Variants in FER observed in about 807,000 individuals in gnomAD.
FER encodes FER tyrosine kinase, also known as tyrosine-protein kinase Fer.
A neutral mutation model predicts 111.0 loss-of-function variants in FER; 63 were observed. That is an observed-to-expected ratio of 0.57 (90% confidence interval 0.46 to 0.70). FER has a LOEUF of 0.70. Ranked by LOEUF, FER falls within the 30% of genes least tolerant of loss-of-function variation. The pLI is 0.00. For synonymous variants in FER, 327 were observed against 313.9 expected (o/e 1.04, Z -0.44); for missense variants, 914 against 954.0 (o/e 0.96, Z 0.55).
At chr5:108,833,706 C>T (rs1268551611) in intron 4 of FER, among the ~76,000 whole-genome samples, 1 of 152,056 alleles carries the variant, frequency 6.6e-6, no homozygotes, top group Non-Finnish European at 1.5e-5. Flanking sequence ...AACCCCGTCT[C>T]TACTAAAAAT....
At chr5:108,826,048 A>AT (rs1759434003) in intron 3 of FER, among the ~76,000 whole-genome samples, 2 of 152,160 alleles carry the variant, frequency 1.3e-5, no homozygotes, top group African/African-American at 4.8e-5. Flanking sequence ...ACCATTGACT[A>AT]TGTTAGCTGT....
At position 108,990,063 on chromosome 5, in the gene FER, T is replaced by C. The variant is rs1762995076; in HGVS notation, c.1656+30716T>C. Among the ~76,000 whole-genome samples the C allele has an allele frequency of 2.0e-5, 3 of 152,034 alleles. No homozygotes were observed. The South Asian group carries it at 6.2e-4, about 31-fold the overall frequency. ...AATTGATTAGGTGATTTGGGACATG[T>C]GACACATACAATCTATTTAATTTTT... On this transcript the variant is annotated intron_variant, in intron 13 of 19. Transcript: ENST00000281092.
chr5:109,092,523 A>G (rs1184283332), intron 16 of FER, among the ~76,000 whole-genome samples: 1 of 152,148 alleles, frequency 6.6e-6, no homozygotes, highest in Non-Finnish European at 1.5e-5. Flanking sequence ...CTGTATAACT[A>G]AGTATCAGGA....
chr5:109,068,934 A>T (rs1010035367), intron 16 of FER, among the ~76,000 whole-genome samples: 1 of 152,246 alleles, frequency 6.6e-6, no homozygotes, highest in Non-Finnish European at 1.5e-5. Context: ...CAACCTTTTG[A>T]AAACTCAGTA....
rs541551668 is a variant in FER, at chr5:109,194,617, A to G, written c.*7042A>G. On this transcript the variant is annotated 3_prime_UTR_variant, in exon 20 of 20. Transcript: ENST00000281092. ...GTTAGAACACCCTTGCAAAAACTGT[A>G]ACCACTTAAGCAATTCATCTGATCC... is the stretch of plus-strand genomic sequence containing the variant. 9.2e-5 allele frequency: 14 copies of G among 152,326 alleles called. No homozygotes were observed. The highest frequency in any genetic ancestry group is 3.4e-4 in the African/African-American group (14 of 41,570). The allele number at this position is 152,326 out of a possible 1,614,324, so 9.4% of individuals were successfully genotyped here. A position where few individuals can be genotyped will look rare whatever the true frequency, so the allele number is the denominator to read the frequency against.
chr5:108,828,619 C>A lies in FER; in HGVS notation c.208-4151C>A, dbSNP rs185450290. On this transcript the variant is annotated intron_variant, in intron 3 of 19. Transcript: ENST00000281092. ...GTTATTTGCCTATGATTAAACTTTT[C>A]TAAAATTAAAATTCAGGTATTTTTA... 4.7e-4 allele frequency among the ~76,000 whole-genome samples: 72 copies of A among 152,156 alleles called. 1 individual carries two copies. The East Asian group carries it at 0.014, about 29-fold the overall frequency.
chr5:109,047,863 T>C (rs1388478151), intron 16 of FER, among the ~76,000 whole-genome samples: 1 of 152,220 alleles, frequency 6.6e-6, no homozygotes, highest in Non-Finnish European at 1.5e-5. Context: ...GGTATTTATT[T>C]CTGGTGACTT....
At chr5:108,793,520 G>C (rs556309621) in intron 2 of FER, among the ~76,000 whole-genome samples, 12 of 83,110 alleles carry the variant, frequency 1.4e-4, no homozygotes, top group Admixed American at 4.6e-4. Flanking sequence ...TTGGCGGGGC[G>C]GGGGGGGTGG....
chr5:109,029,286 G>T, intron 13 of FER, among the ~76,000 whole-genome samples: 1 of 129,850 alleles, frequency 7.7e-6, no homozygotes. Context: ...TAGGGTACAT[G>T]TGCACAATGT....
chr5:108,800,744 A>G (rs893456711), intron 3 of FER, among the ~76,000 whole-genome samples: 2 of 152,320 alleles, frequency 1.3e-5, no homozygotes, highest in African/African-American at 2.4e-5. Flanking sequence ...TTCGTATTAT[A>G]TCTTAAAAAA....
chr5:109,045,103 T>C (rs1023479893), intron 15 of FER, among the ~76,000 whole-genome samples: 2 of 152,070 alleles, frequency 1.3e-5, no homozygotes, highest in South Asian at 4.1e-4. Context: ...ATTAATGTAT[T>C]ATATACATAT....
chr5:108,945,004 A>G (rs1312378482), intron 10 of FER, among the ~76,000 whole-genome samples: 2 of 152,266 alleles, frequency 1.3e-5, no homozygotes, highest in African/African-American at 2.4e-5. Context: ...AGTATTACGC[A>G]CTTAGAAAAT....
At chr5:108,783,303 G>A (rs1375728853) in intron 2 of FER, among the ~76,000 whole-genome samples, 1 of 151,940 alleles carries the variant, frequency 6.6e-6, no homozygotes, top group Non-Finnish European at 1.5e-5. Flanking sequence ...TTTTCATCTG[G>A]TTATTTTTAT....
chr5:109,085,759 C>G (rs1210895283), intron 16 of FER, among the ~76,000 whole-genome samples: 1 of 151,610 alleles, frequency 6.6e-6, no homozygotes, highest in Non-Finnish European at 1.5e-5. Context: ...TTTTAAAAAT[C>G]ATTAGTAGAT....
chr5:109,119,882 G>T (rs1405382034), intron 17 of FER, among the ~76,000 whole-genome samples: 1 of 151,946 alleles, frequency 6.6e-6, no homozygotes, highest in African/African-American at 2.4e-5. Flanking sequence ...GTGATGTTGA[G>T]CACCTTTTCA....
intron 13 of FER, among the ~76,000 whole-genome samples, chr5:109,031,022 C>T (rs1769524163): frequency 6.6e-6 from 1 of 151,938 alleles, no homozygotes; most frequent in East Asian, 1.9e-4. Context: ...CTTGGTGGGG[C>T]AAAGCAGTCT....
chr5:108,968,370 G>A (rs139270569), intron 13 of FER, among the ~76,000 whole-genome samples: 2,219 of 152,204 alleles, frequency 0.015, 41 homozygotes, highest in South Asian at 0.023. Flanking sequence ...CTGGGCCACA[G>A]AGAGAGGAGA....
Position 108,771,229 on chromosome 5 carries a change from C to T in FER, c.-60+2991C>T, listed in dbSNP as rs538494239. On this transcript the variant is annotated intron_variant, in intron 2 of 19. Coordinates refer to ENST00000281092, the MANE Select transcript of FER (RefSeq NM_005246.4). The stretch of plus-strand genomic sequence containing the variant: ...GATTACAGACTTGAGCCACCATGCC[C>T]GGCCCCTCTGAAGAATTTTTAAGAT... Among the ~76,000 whole-genome samples the T allele has an allele frequency of 1.2e-3, 190 of 152,242 alleles. 1 individual carries two copies. The highest frequency in any genetic ancestry group is 2.0e-3 in the Non-Finnish European group (138 of 68,008).
chr5:109,040,551 G>C (rs1414295243), intron 14 of FER, among the ~76,000 whole-genome samples: 1 of 152,142 alleles, frequency 6.6e-6, no homozygotes, highest in Non-Finnish European at 1.5e-5. Context: ...TGACTTGGCT[G>C]AGCAGTTTCC....
Sources: gnomAD v4.1 joint callset for allele counts (sites outside exome capture counted in the v4.1 genomes callset) on GRCh38, gnomAD v4.1.1 for gene constraint, MANE v1.5 for transcripts, NCBI Gene and HGNC (gene_info 2026-07-23, HGNC 2026-07-21) for gene names.